LARS2: variants seen among roughly 807,000 people sequenced by gnomAD.
LARS2 encodes leucyl-tRNA synthetase 2, mitochondrial.
A neutral mutation model predicts 116.6 loss-of-function variants in LARS2; 81 were observed. That is an observed-to-expected ratio of 0.69 (90% CI 0.58 to 0.84). The LOEUF (loss-of-function observed/expected upper bound fraction) is 0.84. Among genes scored for constraint, LARS2 ranks in the 40% least tolerant of loss-of-function variants. The pLI is 0.00. For synonymous variants in LARS2, 396 were observed against 407.2 expected (o/e 0.97, Z 0.33); for missense variants, 968 against 1,114.5 (o/e 0.87, Z 1.87).
chr3:45,517,873 C>G (rs1700393492), intron 17 of LARS2, 30 bp from the exon 18 acceptor site: 7 of 1,592,956 alleles, frequency 4.4e-6, no homozygotes, highest in Admixed American at 1.7e-5. Context: ...TGCACGCTCT[C>G]TCTTTCTCAT....
intron 9 of LARS2, among the ~76,000 whole-genome samples, chr3:45,474,809 A>G (rs1276251883): frequency 6.6e-6 from 1 of 152,126 alleles, no homozygotes; most frequent in African/African-American, 2.4e-5. Context: ...TTCCTGAGCA[A>G]TGGGTCCATT....
chr3:45,547,263 G>C (rs1244651601), intron 21 of LARS2, 88 bp from the exon 22 acceptor site: 3 of 1,189,378 alleles, frequency 2.5e-6, no homozygotes, highest in Middle Eastern at 2.2e-4. Flanking sequence ...ATGCAGCCAT[G>C]CCCTTTACAG....
intron 17 of LARS2, among the ~76,000 whole-genome samples, chr3:45,517,025 G>T (rs984574914): frequency 4.6e-5 from 7 of 152,184 alleles, no homozygotes; most frequent in African/African-American, 1.7e-4. Flanking sequence ...AAGTATCCAT[G>T]TCATTTGAGA....
chr3:45,504,378 C>G (rs539485540), intron 15 of LARS2, among the ~76,000 whole-genome samples: 1 of 152,204 alleles, frequency 6.6e-6, no homozygotes, highest in East Asian at 1.9e-4. Context: ...CTTCCCTTCA[C>G]TTAACCCTCG....
At chr3:45,413,538 TA>T (rs1413408384) in intron 4 of LARS2, among the ~76,000 whole-genome samples, 1 of 152,206 alleles carries the variant, frequency 6.6e-6, no homozygotes, top group Non-Finnish European at 1.5e-5. Flanking sequence ...CCACTGATAG[TA>T]AACAGGCAGA....
intron 20 of LARS2, among the ~76,000 whole-genome samples, chr3:45,525,613 C>T (rs548151011): frequency 2.2e-4 from 33 of 152,302 alleles, no homozygotes; most frequent in Non-Finnish European, 3.7e-4. Flanking sequence ...AGATTCTGCC[C>T]TACTTTATAT....
intron 4 of LARS2, among the ~76,000 whole-genome samples, chr3:45,400,965 C>T (rs966168246): frequency 6.6e-6 from 1 of 151,956 alleles, no homozygotes; most frequent in Non-Finnish European, 1.5e-5. Context: ...AGGTGCCCAC[C>T]ACCACGCCTG....
At position 45,520,098 on chromosome 3, in the gene LARS2, T is replaced by C. The variant is rs542502077; in HGVS notation, c.2215-121T>C. The C allele has an allele frequency of 5.4e-4, 368 of 679,188 alleles. 3 individuals carry two copies. In the African/African-American group the frequency reaches 5.8e-3, roughly 11 times the overall value. 42.1% of individuals were successfully genotyped at this position (679,188 alleles called of 1,614,324 possible). ...TAGCGATTATTTGAGATAGTAGATA[T>C]ATTTATAAATATCTTTGCATCCCAT... On this transcript the variant is annotated intron_variant, in intron 18 of 21. Coordinates refer to ENST00000645846, the MANE Select transcript of LARS2 (RefSeq NM_015340.4).
Position 45,457,102 on chromosome 3 carries a change from G to A in LARS2, c.607-1641G>A, listed in dbSNP as rs79005846. ...GCTGCCTGTAGGCTGCAGGGGCAAC[G>A]TCAGGGGGCAGTTAATAGAACCTGG... On this transcript the variant is annotated intron_variant, in intron 7 of 21. Coordinates refer to ENST00000645846, the MANE Select transcript of LARS2 (RefSeq NM_015340.4). Among the ~76,000 whole-genome samples the A allele has an allele frequency of 2.4e-3, 370 of 152,354 alleles. 2 individuals are homozygous for A. Among genetic ancestry groups the A allele is most frequent in the African/African-American group, 8.4e-3 (349 of 41,596 alleles).
intron 2 of LARS2, among the ~76,000 whole-genome samples, chr3:45,393,825 A>G (rs1697998803): frequency 2.0e-5 from 3 of 152,296 alleles, no homozygotes; most frequent in East Asian, 3.9e-4. Context: ...CCCTGTCTCT[A>G]AAAAGTAAGT....
chr3:45,533,353 T>A (rs988718835), intron 20 of LARS2, among the ~76,000 whole-genome samples: 1 of 151,944 alleles, frequency 6.6e-6, no homozygotes, highest in Admixed American at 6.6e-5. Context: ...GGTTTCACCA[T>A]GTTGGTCAGG....
intron 21 of LARS2, among the ~76,000 whole-genome samples, chr3:45,546,086 T>C (rs1700872372): frequency 6.6e-6 from 1 of 152,070 alleles, no homozygotes; most frequent in Non-Finnish European, 1.5e-5. Flanking sequence ...CTGTAGGTGG[T>C]GGCCCAGAGG....
chr3:45,542,225 C>T (rs749832171), intron 21 of LARS2, among the ~76,000 whole-genome samples: 8 of 152,140 alleles, frequency 5.3e-5, no homozygotes, highest in Admixed American at 2.6e-4. Context: ...AAACCTGGCC[C>T]GCCTTACAGG....
chr3:45,444,259 C>A (rs568350601), intron 6 of LARS2, among the ~76,000 whole-genome samples: 1 of 150,160 alleles, frequency 6.7e-6, no homozygotes, highest in African/African-American at 2.4e-5. Context: ...GTGATCCCCC[C>A]GCCTCAGCCT....
In LARS2 at chr3:45,518,011, G is replaced by T. The variant is rs1435135528; in HGVS notation, c.2153G>T (p.Ser718Ile). The change falls in exon 18 of 22, where the codon AGT (serine) becomes ATT (isoleucine). Residue 718 changes from serine to isoleucine, a missense_variant. Transcript: ENST00000645846. ...SGKSPQPQLL[S>I]NKEKAEARKL... ...AAGTCTCCCCAGCCTCAGCTGCTGA[G>T]TAACAAGGAGAAAGCTGAGGCCAGG... 9 of 1,613,858 alleles carry T rather than the reference G, an allele frequency of 5.6e-6. No individual in the cohort carries two copies. Among genetic ancestry groups the T allele is most frequent in the Admixed American group, 1.7e-5 (1 of 60,022 alleles).
At chr3:45,422,197 T>G (rs1312155430) in intron 6 of LARS2, 1 of 152,256 alleles carries the variant, frequency 6.6e-6, no homozygotes, top group African/African-American at 2.4e-5. Flanking sequence ...TTGTATTTCC[T>G]TTATTATTAG....
At chr3:45,491,974 T>G (rs1699925951) in intron 13 of LARS2, among the ~76,000 whole-genome samples, 174 bp downstream of exon 13, 2 of 152,256 alleles carry the variant, frequency 1.3e-5, no homozygotes, top group Non-Finnish European at 2.9e-5. Flanking sequence ...GTCTGGAATC[T>G]GTGGCCCTGC....
intron 20 of LARS2, among the ~76,000 whole-genome samples, chr3:45,524,915 T>A (rs1007345232): frequency 6.6e-6 from 1 of 152,228 alleles, no homozygotes; most frequent in Non-Finnish European, 1.5e-5. Flanking sequence ...TGAGGATTAT[T>A]TGAAATTCCC....
Position 45,395,093 on chromosome 3 carries a change from G to A in LARS2, c.234+406G>A, listed in dbSNP as rs191911157. Among the ~76,000 whole-genome samples, 455 of 152,324 alleles carry A rather than the reference G, an allele frequency of 3.0e-3. 4 individuals are homozygous for A. The highest frequency in any genetic ancestry group is 0.01 in the African/African-American group (429 of 41,574). On this transcript the variant is annotated intron_variant, in intron 3 of 21. Coordinates refer to ENST00000645846, the MANE Select transcript of LARS2 (RefSeq NM_015340.4). Reference sequence around the variant, plus strand: ...CCTTTGTGGTCCATTGCATGGTGGGGCAGCACACAGGGATCTGGCAGGGTC... The same window carrying A: ...CCTTTGTGGTCCATTGCATGGTGGGACAGCACACAGGGATCTGGCAGGGTC...
Sources: allele counts gnomAD v4.1 joint callset (sites outside exome capture counted in the v4.1 genomes callset), GRCh38; gene constraint gnomAD v4.1.1; transcripts MANE v1.5; gene names NCBI Gene and HGNC (gene_info 2026-07-23, HGNC 2026-07-21).